OLFML2B: variants seen among roughly 807,000 people sequenced by gnomAD.
The protein encoded by OLFML2B is olfactomedin-like protein 2B.
In OLFML2B, 57 loss-of-function variants were observed where a neutral mutation model predicts 74.9. That is an observed-to-expected ratio of 0.76 (90% CI 0.61 to 0.95). The LOEUF (loss-of-function observed/expected upper bound fraction) is 0.95. OLFML2B is among the 40% of genes least tolerant of loss of function. OLFML2B has a pLI of 0.00. For missense variants in OLFML2B, 986 were observed against 970.6 expected (o/e 1.02, Z -0.21); for synonymous variants, 388 against 405.8 (o/e 0.96, Z 0.53).
intron 1 of OLFML2B, among the ~76,000 whole-genome samples, chr1:162,020,457 G>T (rs1035783358): frequency 2.0e-5 from 3 of 152,130 alleles, no homozygotes; most frequent in Non-Finnish European, 4.4e-5. Context: ...AACCAGATGA[G>T]CCAAGTCATT....
In OLFML2B at chr1:162,010,397, C is replaced by T. The variant is rs575541961; in HGVS notation, c.547-3924G>A. On this transcript the variant is annotated intron_variant, in intron 3 of 7. Transcript: ENST00000294794. The stretch of plus-strand genomic sequence containing the variant: ...TAACTTCAGCCAGATGCACACACAC[C>T]AGAGGGAAGAGAACGTGCAAACAAG... 7.9e-5 allele frequency among the ~76,000 whole-genome samples: 12 copies of T among 152,302 alleles called. 1 individual carries two copies. In the South Asian group the frequency reaches 1.4e-3, roughly 18 times the overall value.
chr1:162,023,125 G>A (rs1690773415), intron 1 of OLFML2B, 132 bp downstream of exon 1: 1 of 848,058 alleles, frequency 1.2e-6, no homozygotes, highest in African/African-American at 1.7e-5. Flanking sequence ...TCCGATACAT[G>A]AAAAATCAAA....
intron 3 of OLFML2B, among the ~76,000 whole-genome samples, chr1:162,014,408 T>G (rs1472403363): frequency 2.0e-5 from 3 of 152,126 alleles, no homozygotes; most frequent in Non-Finnish European, 4.4e-5. Context: ...ATACCCAAGG[T>G]GGAACTGTGG....
intron 6 of OLFML2B, among the ~76,000 whole-genome samples, chr1:161,987,994 C>T (rs1444263667): frequency 6.6e-6 from 1 of 152,142 alleles, no homozygotes; most frequent in Non-Finnish European, 1.5e-5. Context: ...TCAGATGCTC[C>T]CACACTTGGC....
At chr1:162,021,553 T>G (rs1690703902) in intron 1 of OLFML2B, among the ~76,000 whole-genome samples, 1 of 152,238 alleles carries the variant, frequency 6.6e-6, no homozygotes, top group African/African-American at 2.4e-5. Context: ...TGAGTAGAAA[T>G]GTTCCTTGGG....
rs765357992 is a variant in OLFML2B, at chr1:161,984,190, C to A, written c.1738G>T (p.Ala580Ser). ...TACTTGATGATGTTGCGGGTGAAGG[C>A]GCGATTGTAGTAGAAGGCGCCATTG... ...VYNGAFYYNR[A>S]FTRNIIKYDL... Residue 580 changes from alanine (A) to serine (S), a missense_variant, in exon 8 of 8, where the codon GCC becomes TCC. Transcript: ENST00000294794. 8.8e-6 allele frequency: 14 copies of A among 1,596,284 alleles called. No individual in the cohort carries two copies. Among genetic ancestry groups the A allele is most frequent in the Admixed American group, 5.2e-5 (3 of 58,080 alleles).
rs1287839568 is a variant in OLFML2B, at chr1:161,984,159, A to G, written c.1769T>C (p.Leu590Pro). 3 of 1,608,918 alleles carry G rather than the reference A, an allele frequency of 1.9e-6. No individual in the cohort carries two copies. The highest frequency in any genetic ancestry group is 1.7e-6 in the Non-Finnish European group (2 of 1,177,310). The change falls in exon 8 of 8, where the codon CTG becomes CCG. Residue 590 changes from leucine to proline, a missense_variant. Coordinates refer to ENST00000294794, the MANE Select transcript of OLFML2B (RefSeq NM_015441.3). ...AFTRNIIKYD[L>P]KQRYVAAWAM... ...CCAGGCAGCCACGTAGCGCTGCTTC[A>G]GGTCGTACTTGATGATGTTGCGGGT...
At chr1:161,996,053 T>TC (rs1689888622) in intron 6 of OLFML2B, among the ~76,000 whole-genome samples, 1 of 152,140 alleles carries the variant, frequency 6.6e-6, no homozygotes, top group South Asian at 2.1e-4. Flanking sequence ...TCTCTCCTGC[T>TC]CCCACCCTCA....
rs149771132 is a variant in OLFML2B, at chr1:162,011,035, C to T, written c.547-4562G>A. Among the ~76,000 whole-genome samples the T allele has an allele frequency of 3.3e-3, 499 of 152,166 alleles. 5 individuals are homozygous for T. The highest frequency in any genetic ancestry group is 0.011 in the African/African-American group (453 of 41,504). On this transcript the variant is annotated intron_variant, in intron 3 of 7. Transcript: ENST00000294794. Reference sequence around the variant, plus strand: ...TGCAGGTGGAAAAGGAAAGGGAAGCCAGGGTTTGGTATGGCTGGCATGGGG... The same window carrying T: ...TGCAGGTGGAAAAGGAAAGGGAAGCTAGGGTTTGGTATGGCTGGCATGGGG...
intron 6 of OLFML2B, among the ~76,000 whole-genome samples, chr1:161,985,420 G>A (rs2101943401): frequency 6.6e-6 from 1 of 152,270 alleles, no homozygotes; most frequent in East Asian, 1.9e-4. Flanking sequence ...CTCCACGCCT[G>A]CCCCCAACCG....
chr1:162,004,867 A>G (rs1322388056), intron 4 of OLFML2B, among the ~76,000 whole-genome samples: 2 of 152,224 alleles, frequency 1.3e-5, no homozygotes, highest in Non-Finnish European at 2.9e-5. Flanking sequence ...CAATGGCCCA[A>G]CTGGAACCCA....
Position 161,983,296 on chromosome 1 carries a change from T to C in OLFML2B, c.*379A>G, listed in dbSNP as rs1424703962. 1 of 164,768 alleles carries C rather than the reference T, an allele frequency of 6.1e-6. No homozygotes were observed. The highest frequency in any genetic ancestry group is 2.4e-5 in the African/African-American group (1 of 41,830). 10.2% of individuals were successfully genotyped at this position (164,768 alleles called of 1,614,324 possible). On this transcript the variant is annotated 3_prime_UTR_variant, in exon 8 of 8. Coordinates refer to ENST00000294794, the MANE Select transcript of OLFML2B (RefSeq NM_015441.3). ...TTTTTCTCGCCACATAGCACTTCTTTCTTGCCTCTTTCATTTCTGCTCCTG... is the reference window on the plus strand; with the variant it reads ...TTTTTCTCGCCACATAGCACTTCTTCCTTGCCTCTTTCATTTCTGCTCCTG...
intron 6 of OLFML2B, among the ~76,000 whole-genome samples, chr1:161,994,747 G>A (rs547070435): frequency 9.2e-5 from 14 of 151,992 alleles, no homozygotes; most frequent in Middle Eastern, 3.4e-3. Context: ...CAAATGTTTC[G>A]TTTGCACAGC....
intron 6 of OLFML2B, among the ~76,000 whole-genome samples, chr1:161,993,437 C>A (rs998570324): frequency 1.3e-5 from 2 of 152,196 alleles, no homozygotes; most frequent in African/African-American, 4.8e-5. Flanking sequence ...AGCTGTGCAA[C>A]TCCAGGGCAG....
chr1:161,990,282 A>G (rs1337648066), intron 6 of OLFML2B, among the ~76,000 whole-genome samples: 1 of 152,248 alleles, frequency 6.6e-6, no homozygotes, highest in Admixed American at 6.5e-5. Flanking sequence ...TTATATTTGC[A>G]TTTAAAACTA....
At chr1:162,023,232 G>A (rs760972330) in intron 1 of OLFML2B, 25 bp downstream of exon 1, 1 of 1,473,112 alleles carries the variant, frequency 6.8e-7, no homozygotes, top group Admixed American at 2.1e-5. Flanking sequence ...GGCAAGAAGG[G>A]CGGTCGTGGC....
intron 3 of OLFML2B, among the ~76,000 whole-genome samples, chr1:162,012,831 G>A (rs980409061): frequency 6.6e-6 from 1 of 152,166 alleles, no homozygotes; most frequent in African/African-American, 2.4e-5. Context: ...CATAAAATTT[G>A]CAAATTTTAC....
chr1:162,006,558 C>A (rs566166331), intron 3 of OLFML2B, 85 bp from the exon 4 acceptor site: 69 of 1,046,936 alleles, frequency 6.6e-5, no homozygotes, highest in Non-Finnish European at 8.5e-5. Flanking sequence ...GCTCAGAGCA[C>A]ACAGACACAA....
At chr1:161,984,737 G>T in intron 7 of OLFML2B, 67 bp downstream of exon 7, 2 of 1,510,640 alleles carry the variant, frequency 1.3e-6, no homozygotes, top group Non-Finnish European at 1.8e-6. Context: ...AAAGAGGCCT[G>T]GCTGTGATAA....
Sources: gnomAD v4.1 joint callset for allele counts (sites outside exome capture counted in the v4.1 genomes callset) on GRCh38, gnomAD v4.1.1 for gene constraint, MANE v1.5 for transcripts, NCBI Gene and HGNC (gene_info 2026-07-23, HGNC 2026-07-21) for gene names.